GGNBP2: variants seen among roughly 807,000 people sequenced by gnomAD.
GGNBP2 encodes the protein gametogenetin-binding protein 2.
Under a neutral mutation model 85.9 loss-of-function variants are expected in GGNBP2, and 10 were observed. The observed-to-expected ratio is 0.12, with a 90% CI of 0.07 to 0.20. The LOEUF (loss-of-function observed/expected upper bound fraction) is 0.20. Among genes scored for constraint, GGNBP2 ranks in the 10% least tolerant of loss-of-function variants. GGNBP2 has a pLI of 1.00. For missense variants in GGNBP2, 595 were observed against 857.8 expected (o/e 0.69, Z 3.83); for synonymous variants, 287 against 285.7 (o/e 1.00, Z -0.05).
At chr17:36,565,076 G>C (rs1407818329) in intron 5 of GGNBP2, among the ~76,000 whole-genome samples, 1 of 152,202 alleles carries the variant, frequency 6.6e-6, no homozygotes. Context: ...ACCTGAGAAA[G>C]AGTAGCCAGA....
intron 13 of GGNBP2, among the ~76,000 whole-genome samples, chr17:36,588,609 T>A (rs1360768122): frequency 1.3e-5 from 2 of 151,520 alleles, no homozygotes; most frequent in Non-Finnish European, 2.9e-5. Context: ...TATTTATTTT[T>A]TTTTTTTGAG....
chr17:36,547,576 A>G (rs906920398), intron 2 of GGNBP2: 43 of 152,362 alleles, frequency 2.8e-4, no homozygotes, highest in Admixed American at 1.6e-3. Flanking sequence ...GTGCTTTTAT[A>G]CTGTATTCTC....
intron 5 of GGNBP2, among the ~76,000 whole-genome samples, chr17:36,565,160 T>C (rs2074455786): frequency 6.6e-6 from 1 of 152,186 alleles, no homozygotes; most frequent in African/African-American, 2.4e-5. Flanking sequence ...GGCCAAGTTA[T>C]CAAGGACCCA....
chr17:36,560,998 C>A, intron 5 of GGNBP2, 127 bp downstream of exon 5: 1 of 498,000 alleles, frequency 2.0e-6, no homozygotes, highest in South Asian at 4.1e-5. Flanking sequence ...TGACATAGGT[C>A]AAAATAAATA....
intron 9 of GGNBP2, 154 bp downstream of exon 9, chr17:36,581,692 G>A: frequency 2.3e-6 from 1 of 430,450 alleles, no homozygotes; most frequent in East Asian, 3.5e-5. Context: ...ACCAGCCTGG[G>A]CAAGATAGTG....
intron 5 of GGNBP2, among the ~76,000 whole-genome samples, chr17:36,567,229 T>C (rs2074477356): frequency 6.6e-6 from 1 of 152,150 alleles, no homozygotes. Flanking sequence ...TTAAATTGTA[T>C]CAGATAAACT....
At chr17:36,552,543 A>C (rs75092949) in intron 2 of GGNBP2, among the ~76,000 whole-genome samples, 45,434 of 151,954 alleles carry the variant, frequency 0.3, 8,255 homozygotes, top group Non-Finnish European at 0.41. Flanking sequence ...TGCTTATAAC[A>C]ATGTCTAATA....
chr17:36,554,937 T>A (rs1567818601), intron 3 of GGNBP2, 37 bp downstream of exon 3: 1 of 1,224,876 alleles, frequency 8.2e-7, no homozygotes, highest in East Asian at 2.3e-5. Context: ...TAATGGTGTA[T>A]GTGTATTTTA....
chr17:36,557,116 A>G lies in GGNBP2; in HGVS notation c.208A>G (p.Ile70Val), dbSNP rs142166462. 21 of 1,613,964 alleles carry G rather than the reference A, an allele frequency of 1.3e-5. No homozygotes were observed. The highest frequency in any genetic ancestry group is 5.3e-5 in the African/African-American group (4 of 74,888). ...TATGCTTAAGCAACAGGATCTAAGT[A>G]TTGCCATGGTGGTGACATCACGCGA... Reference protein sequence around the residue: ...HGMLKQQDLSIAMVVTSREVL... With the variant: ...HGMLKQQDLSVAMVVTSREVL... Residue 70 changes from isoleucine (I) to valine (V), a missense_variant, in exon 4 of 14, where the codon ATT (isoleucine) becomes GTT (valine). Around this residue, in one of 9 missense-constraint regions of GGNBP2, gnomAD observed 216 missense variants for 293.4 expected, o/e 0.74. Coordinates refer to ENST00000613102, the MANE Select transcript of GGNBP2 (RefSeq NM_024835.5).
intron 6 of GGNBP2, among the ~76,000 whole-genome samples, chr17:36,573,870 C>T (rs1168827399): frequency 3.9e-5 from 6 of 152,076 alleles, no homozygotes; most frequent in African/African-American, 1.4e-4. Context: ...TATTTATTTA[C>T]TTTTAAGTTA....
At chr17:36,570,442 G>A (rs1032596607) in intron 6 of GGNBP2, among the ~76,000 whole-genome samples, 4 of 152,250 alleles carry the variant, frequency 2.6e-5, no homozygotes, top group Non-Finnish European at 5.9e-5. Flanking sequence ...GCTCATGCCT[G>A]TAATCCCAGC....
chr17:36,577,343 A>G (rs1036632225), intron 6 of GGNBP2: 1 of 152,316 alleles, frequency 6.6e-6, no homozygotes, highest in Non-Finnish European at 1.5e-5. Context: ...ACCAGTTTCC[A>G]TGTATATTTT....
intron 6 of GGNBP2, chr17:36,575,230 GC>G: frequency 1.6e-6 from 1 of 634,690 alleles, no homozygotes; most frequent in Non-Finnish European, 2.9e-6. Context: ...CCCAGCCCCG[GC>G]CCCGGATGCC....
intron 5 of GGNBP2, among the ~76,000 whole-genome samples, chr17:36,566,746 A>G (rs2074472812): frequency 6.6e-6 from 1 of 152,116 alleles, no homozygotes. Flanking sequence ...GTCTTAGTGT[A>G]CTATCTTTTA....
intron 3 of GGNBP2, 140 bp downstream of exon 3, chr17:36,555,040 T>TAAG (rs1377615419): frequency 1.7e-6 from 1 of 573,768 alleles, no homozygotes; most frequent in Non-Finnish European, 3.1e-6. Context: ...ATTGCTATAG[T>TAAG]AAGCATGCAT....
At position 36,579,424 on chromosome 17, in the gene GGNBP2, G is replaced by T. The variant is rs764696894; in HGVS notation, c.1020+5G>T. 1.9e-6 allele frequency: 3 copies of T among 1,613,602 alleles called. No homozygotes were observed. In the South Asian group the frequency reaches 3.3e-5, roughly 18 times the overall value. On this transcript the variant is annotated splice_donor_5th_base_variant and intron_variant, in intron 8 of 13. Coordinates refer to ENST00000613102, the MANE Select transcript of GGNBP2 (RefSeq NM_024835.5). ...GCTTTACGCAAGAGTTTTGAGGTAAGAACAGTGGGCTGTTCCAGTATCTCA... is the reference window on the plus strand; with the variant it reads ...GCTTTACGCAAGAGTTTTGAGGTAATAACAGTGGGCTGTTCCAGTATCTCA...
intron 12 of GGNBP2, 36 bp from the exon 13 acceptor site, chr17:36,586,961 C>T: frequency 6.3e-7 from 1 of 1,575,296 alleles, no homozygotes; most frequent in Non-Finnish European, 8.7e-7. Context: ...TTATATCATG[C>T]CTTTTTACCT....
At chr17:36,556,863 G>A (rs2074367247) in intron 3 of GGNBP2, among the ~76,000 whole-genome samples, 1 of 133,676 alleles carries the variant, frequency 7.5e-6, no homozygotes, top group Non-Finnish European at 1.5e-5. Context: ...AAGCAGAGTT[G>A]TTTATATACC....
chr17:36,548,806 T>C (rs1224927662), intron 2 of GGNBP2, among the ~76,000 whole-genome samples: 2 of 151,344 alleles, frequency 1.3e-5, no homozygotes, highest in Non-Finnish European at 2.9e-5. Flanking sequence ...TCAGTGGGTG[T>C]GGTAGAGTGT....
Sources: allele counts gnomAD v4.1 joint callset (sites outside exome capture counted in the v4.1 genomes callset), GRCh38; gene constraint gnomAD v4.1.1; regional missense constraint gnomAD v4.1.1; transcripts MANE v1.5; gene names NCBI Gene and HGNC (gene_info 2026-07-23, HGNC 2026-07-21).